Variants in RIBC2 observed in about 807,000 individuals in gnomAD.
RIBC2 encodes the protein RIB43A domain with coiled-coils 2.
RIBC2 carries 40 observed loss-of-function variants against 44.3 expected under a neutral mutation model. That is an observed-to-expected ratio of 0.90 (90% confidence interval 0.70 to 1.18). The LOEUF (loss-of-function observed/expected upper bound fraction) is 1.18. Among genes scored for constraint, RIBC2 ranks in the 50% most tolerant of loss-of-function variants. RIBC2 has a pLI of 0.00. For missense variants in RIBC2, 459 were observed against 485.5 expected (o/e 0.95, Z 0.51); for synonymous variants, 171 against 175.0 (o/e 0.98, Z 0.18).
rs2087385873 is a variant in RIBC2, at chr22:45,413,713, A to T, written c.-174A>T. On this transcript the variant is annotated 5_prime_UTR_variant, in exon 1 of 7. Transcript: ENST00000614167. The stretch of plus-strand genomic sequence containing the variant: ...AACGAGTTGTTGACATTTCCGAGAG[A>T]GCGGGAGCGTCTGTACCTCTGCGGC... The T allele has an allele frequency of 4.3e-6, 5 of 1,160,000 alleles. No individual in the cohort carries two copies. In the Admixed American group the frequency reaches 7.0e-5, roughly 16 times the overall value. The allele number at this position is 1,160,000 out of a possible 1,614,324, so 71.9% of individuals were successfully genotyped here.
rs556608855 is a variant in RIBC2, at chr22:45,416,441, C to G, written c.212-1161C>G. ...GTGTACCAAGTTACACTCCTACAAG[C>G]AGCAAATGAGAGGTTTTTGTTTTGT... On this transcript the variant is annotated intron_variant, in intron 2 of 6. Transcript: ENST00000614167. 2.0e-5 allele frequency among the ~76,000 whole-genome samples: 3 copies of G among 152,230 alleles called. No homozygotes were observed. The South Asian group carries it at 6.2e-4, about 32-fold the overall frequency.
Position 45,431,086 on chromosome 22 carries a change from A to G in RIBC2, c.1070+20A>G, listed in dbSNP as rs771620389. 3.8e-5 allele frequency: 59 copies of G among 1,560,566 alleles called. No individual in the cohort carries two copies. In the South Asian group the frequency reaches 6.6e-4, roughly 17 times the overall value. The stretch of plus-strand genomic sequence containing the variant: ...TTTGCAGTGAGTGCTGGGTGGGACC[A>G]GGGCCAGGTGGGGGACCGGGTGGAG... On this transcript the variant is annotated intron_variant, in intron 6 of 6. Transcript: ENST00000614167.
chr22:45,420,803 G>A lies in RIBC2; in HGVS notation c.557-1487G>A, dbSNP rs114445190. On this transcript the variant is annotated intron_variant, in intron 3 of 6. Transcript: ENST00000614167. ...CCTTGTGATGCAAGCCACCATCTCA[G>A]CTGAACAGACCTCTGCCAAGATCTT... 6.4e-3 allele frequency among the ~76,000 whole-genome samples: 982 copies of A among 152,272 alleles called. 14 individuals carry two copies. The highest frequency in any genetic ancestry group is 0.023 in the African/African-American group (937 of 41,544).
chr22:45,426,961 T>A (rs989642393), intron 5 of RIBC2, among the ~76,000 whole-genome samples: 1 of 151,946 alleles, frequency 6.6e-6, no homozygotes, highest in South Asian at 2.1e-4. Flanking sequence ...CTCTAGGTCC[T>A]GTGGCCTGAG....
In RIBC2 at chr22:45,430,906, C is replaced by A; in HGVS notation, c.910C>A (p.Gln304Lys). The A allele has an allele frequency of 6.3e-7, 1 of 1,586,594 alleles. No homozygotes were observed. The highest frequency in any genetic ancestry group is 2.3e-5 in the East Asian group (1 of 44,002). Residue 304 changes from glutamine (Q) to lysine (K), a missense_variant, in exon 6 of 7, where the codon CAG (glutamine) becomes AAG (lysine). By Grantham distance (53) the Gln-to-Lys change is moderately conservative. Coordinates refer to ENST00000614167, the MANE Select transcript of RIBC2 (RefSeq NM_015653.5). Reference sequence around the variant, plus strand: ...CCGCCTCTTTTCCTTCCAGAGGCTCCAGGAAGAAAAGCGCCAGCGAGACCT... The same window carrying A: ...CCGCCTCTTTTCCTTCCAGAGGCTCAAGGAAGAAAAGCGCCAGCGAGACCT... ...KQQIQEKLRL[Q>K]EEKRQRDLDW...
intron 5 of RIBC2, among the ~76,000 whole-genome samples, chr22:45,426,806 C>A (rs1022481): frequency 1.3e-5 from 2 of 151,940 alleles, no homozygotes; most frequent in Non-Finnish European, 2.9e-5. Flanking sequence ...GTGTTCACAG[C>A]GAGAGGTGAT....
chr22:45,415,478 T>C (rs755161873), intron 2 of RIBC2, among the ~76,000 whole-genome samples: 1 of 152,030 alleles, frequency 6.6e-6, no homozygotes, highest in Admixed American at 6.6e-5. Flanking sequence ...TATGAGGTAA[T>C]TCAATCTTAC....
In RIBC2 at chr22:45,432,470, C is replaced by A; in HGVS notation, c.*108C>A. On this transcript the variant is annotated 3_prime_UTR_variant, in exon 7 of 7. Transcript: ENST00000614167. ...TCCTTGGGCCACAAGTACCCTTCAG[C>A]TGTAATCGTCCACTGTGGACAAAAC... The A allele has an allele frequency of 1.4e-6, 1 of 690,850 alleles. No individual in the cohort carries two copies. The highest frequency in any genetic ancestry group is 2.5e-6 in the Non-Finnish European group (1 of 392,492). 42.8% of individuals were successfully genotyped at this position (690,850 alleles called of 1,614,324 possible).
intron 3 of RIBC2, among the ~76,000 whole-genome samples, chr22:45,421,434 C>T (rs2087477114): frequency 6.9e-6 from 1 of 145,322 alleles, no homozygotes. Context: ...TGAATCCAGA[C>T]TCATAAATTC....
chr22:45,421,583 A>ATAATAGTATTAT (rs1236179262), intron 3 of RIBC2, among the ~76,000 whole-genome samples: 5 of 31,986 alleles, frequency 1.6e-4, no homozygotes, highest in East Asian at 1.6e-3. Context: ...AGTATTATTA[A>ATAATAGTATTAT]TAATAATAAT....
chr22:45,423,162 T>C (rs1384945471), intron 4 of RIBC2, among the ~76,000 whole-genome samples: 2 of 152,040 alleles, frequency 1.3e-5, no homozygotes, highest in Non-Finnish European at 1.5e-5. Flanking sequence ...TTGTATTTTT[T>C]TGTAGACACA....
At position 45,431,078 on chromosome 22, in the gene RIBC2, G is replaced by A. The variant is rs749806517; in HGVS notation, c.1070+12G>A. 7 of 1,564,244 alleles carry A rather than the reference G, an allele frequency of 4.5e-6. No homozygotes were observed. Among genetic ancestry groups the A allele is most frequent in the Non-Finnish European group, 3.5e-6 (4 of 1,154,268 alleles). ...GAGCAGCATTTGCAGTGAGTGCTGG[G>A]TGGGACCAGGGCCAGGTGGGGGACC... On this transcript the variant is annotated intron_variant, in intron 6 of 6. Transcript: ENST00000614167.
intron 5 of RIBC2, among the ~76,000 whole-genome samples, chr22:45,426,464 G>A (rs1278916175): frequency 1.3e-5 from 2 of 152,230 alleles, no homozygotes; most frequent in South Asian, 2.1e-4. Flanking sequence ...GGAAAAGGGC[G>A]ACCGGGCAGG....
At chr22:45,417,279 A>G (rs2087434283) in intron 2 of RIBC2, among the ~76,000 whole-genome samples, 1 of 151,794 alleles carries the variant, frequency 6.6e-6, no homozygotes, top group African/African-American at 2.4e-5. Flanking sequence ...GGGTTTTTTT[A>G]ATTGATTTGT....
intron 6 of RIBC2, 67 bp from the exon 7 acceptor site, chr22:45,432,211 CAAAAAA>C: frequency 1.5e-6 from 1 of 657,818 alleles, no homozygotes; most frequent in Non-Finnish European, 2.4e-6. Context: ...TGTGCCTTTT[CAAAAAA>C]AAAAAAAAGA....
At chr22:45,422,657 A>G (rs1239027670) in intron 4 of RIBC2, among the ~76,000 whole-genome samples, 4 of 152,072 alleles carry the variant, frequency 2.6e-5, no homozygotes, top group Non-Finnish European at 5.9e-5. Context: ...AAGTCAGCTC[A>G]CCTTTCTACA....
At chr22:45,430,872 G>T in intron 5 of RIBC2, 28 bp from the exon 6 acceptor site, 2 of 1,533,976 alleles carry the variant, frequency 1.3e-6, no homozygotes, top group Non-Finnish European at 1.8e-6. Context: ...GGGGAAAGGT[G>T]GTGGTGAGCC....
chr22:45,422,201 A>T (rs962227778), intron 3 of RIBC2, 89 bp from the exon 4 acceptor site: 19 of 837,204 alleles, frequency 2.3e-5, no homozygotes, highest in Non-Finnish European at 3.9e-5. Flanking sequence ...ATGGCTAAGG[A>T]CGTGGTAGGA....
chr22:45,429,892 G>A (rs1172927595), intron 5 of RIBC2, among the ~76,000 whole-genome samples: 2 of 152,144 alleles, frequency 1.3e-5, no homozygotes, highest in Middle Eastern at 3.2e-3. Flanking sequence ...TTCCTTTCTG[G>A]GTCCTTGCCT....
Sources: allele counts gnomAD v4.1 joint callset (sites outside exome capture counted in the v4.1 genomes callset), GRCh38; gene constraint gnomAD v4.1.1; transcripts MANE v1.5; gene names NCBI Gene and HGNC (gene_info 2026-07-23, HGNC 2026-07-21).